Variants in MCM3 observed in about 807,000 individuals in gnomAD.
MCM3 encodes DNA replication licensing factor MCM3.
A neutral mutation model predicts 91.3 loss-of-function variants in MCM3; 59 were observed. That is an observed-to-expected ratio of 0.65 (90% CI 0.52 to 0.80). The LOEUF (loss-of-function observed/expected upper bound fraction) is 0.80, where lower values mean the gene tolerates loss of function less well. MCM3 is among the 30% of genes least tolerant of loss of function. The pLI, the probability that MCM3 is intolerant of heterozygous loss-of-function variation, is 0.00. For synonymous variants in MCM3, 383 were observed against 379.6 expected, an observed-to-expected ratio of 1.01 and a Z score of -0.10; for missense variants, 919 against 1,035.4, an observed-to-expected ratio of 0.89 and a Z score of 1.54.
chr6:52,277,863 T>A (rs1203646674), intron 6 of MCM3, among the ~76,000 whole-genome samples, 175 bp from the exon 7 acceptor site: 1 of 151,664 alleles, frequency 6.6e-6, no homozygotes, highest in East Asian at 1.9e-4. Flanking sequence ...GGTCAGGAGT[T>A]CGAGACCAGC....
rs770280946 is a variant in MCM3 at position 52,264,352 on chromosome 6, T to C, written c.*236A>G. On this transcript the variant is annotated 3_prime_UTR_variant, in exon 17 of 17. Coordinates refer to ENST00000596288, the MANE Select transcript of MCM3 (RefSeq NM_002388.6). ...TGAGCCAGTGCTTTTGCAATGAAGA[T>C]GCAATAGTCATTGTCCTCTCCCACT... 3.2e-4 allele frequency: 162 copies of C among 513,706 alleles called. No homozygotes were observed. Among genetic ancestry groups the C allele is most frequent in the Admixed American group, 2.0e-3 (61 of 30,376 alleles). 31.8% of individuals were successfully genotyped at this position (513,706 alleles called of 1,614,324 possible).
At chr6:52,280,732 G>T (rs1448446700) in intron 4 of MCM3, among the ~76,000 whole-genome samples, 2 of 152,192 alleles carry the variant, frequency 1.3e-5, no homozygotes, top group Admixed American at 1.3e-4. Context: ...AGATCTTAAG[G>T]TCCGAAGAAG....
rs139347505 is a variant in MCM3, at chr6:52,279,432, G to T, written c.699C>A (p.Asp233Glu). 6.2e-7 allele frequency: 1 copy of T among 1,614,132 alleles called. No homozygotes were observed. Reference sequence around the variant, plus strand: ...GGTAGGTTCCCACCACCTGAACCCGGTCACCAGGCTTCGCTTTATCCACCA... The same window carrying T: ...GGTAGGTTCCCACCACCTGAACCCGTTCACCAGGCTTCGCTTTATCCACCA... Reference protein sequence around the residue: ...DDLVDKAKPGDRVQVVGTYRC... With the variant: ...DDLVDKAKPGERVQVVGTYRC... Residue 233 changes from aspartate (D) to glutamate (E), a missense_variant, in exon 5 of 17, where the codon GAC becomes GAA. This residue lies in a region of MCM3 where 401 missense variants were observed against 402.7 expected (regional missense o/e 1.00). Coordinates refer to ENST00000596288, the MANE Select transcript of MCM3 (RefSeq NM_002388.6).
At chr6:52,282,606 T>A in intron 3 of MCM3, 47 bp downstream of exon 3, 1 of 1,576,922 alleles carries the variant, frequency 6.3e-7, no homozygotes, top group Non-Finnish European at 8.7e-7. Context: ...GCTTTCCCCA[T>A]CTCCCTGTCT....
rs762832090 is a variant in MCM3 at position 52,279,591 on chromosome 6, C to G, written c.540G>C (p.Glu180Asp). 13 of 1,611,030 alleles carry G rather than the reference C, an allele frequency of 8.1e-6. No homozygotes were observed. The African/African-American group carries it at 1.7e-4, about 22-fold the overall frequency. The change falls in exon 5 of 17, where the codon GAG becomes GAC. Residue 180 changes from glutamate to aspartate, a missense_variant. Around this residue, in one of 3 missense-constraint regions of MCM3, gnomAD observed 401 missense variants for 402.7 expected, o/e 1.00. Transcript: ENST00000596288. ...SSSVYPTKDE[E>D]NNPLETEYGL... ...CATATTCTGTCTCAAGGGGATTGTTCTCCTCATCCTAGAAAAAGGCACACA... is the reference window on the plus strand; with the variant it reads ...CATATTCTGTCTCAAGGGGATTGTTGTCCTCATCCTAGAAAAAGGCACACA...
In MCM3 at chr6:52,266,621, TTCC is replaced by T. The variant is rs1000335077; in HGVS notation, c.2145_2147del (p.Glu716del). The T allele has an allele frequency of 2.5e-6, 4 of 1,613,928 alleles. No homozygotes were observed. Among genetic ancestry groups the T allele is most frequent in the Non-Finnish European group, 3.4e-6 (4 of 1,179,936 alleles). Reference sequence around the variant, plus strand: ...AGTGGGCTCACTCACCTTGAGGCATTTCCTCCTCTGTGTCACTGAAGTCATAGG... The same window carrying T: ...AGTGGGCTCACTCACCTTGAGGCATTTCCTCTGTGTCACTGAAGTCATAGG... On this transcript the variant is annotated inframe_deletion, in exon 15 of 17. Coordinates refer to ENST00000596288, the MANE Select transcript of MCM3 (RefSeq NM_002388.6).
chr6:52,274,174 C>G (rs1765372332), intron 9 of MCM3, among the ~76,000 whole-genome samples: 1 of 152,156 alleles, frequency 6.6e-6, no homozygotes, highest in African/African-American at 2.4e-5. Flanking sequence ...GAGTGTAGGT[C>G]TGAAAACCAG....
intron 14 of MCM3, among the ~76,000 whole-genome samples, chr6:52,267,193 G>C (rs1235234145): frequency 6.8e-6 from 1 of 148,116 alleles, no homozygotes; most frequent in Non-Finnish European, 1.5e-5. Context: ...CTGCCTCCTG[G>C]GTTCACGCCA....
chr6:52,268,165 G>A (rs1479071643), intron 13 of MCM3, among the ~76,000 whole-genome samples, 197 bp from the exon 14 acceptor site: 2 of 152,184 alleles, frequency 1.3e-5, no homozygotes, highest in African/African-American at 2.4e-5. Flanking sequence ...AAAATGCTGG[G>A]AAGTATGTTA....
In MCM3 at chr6:52,282,729, G is replaced by A. The variant is rs1400109202; in HGVS notation, c.324C>T (p.Ser108=). The A allele has an allele frequency of 1.9e-6, 3 of 1,614,050 alleles. No individual in the cohort carries two copies. Among genetic ancestry groups the A allele is most frequent in the Non-Finnish European group, 2.5e-6 (3 of 1,180,034 alleles). Residue 108 remains serine, a synonymous_variant, in exon 3 of 17, where the codon TCC becomes TCT. Transcript: ENST00000596288. ...TAAGAGTCCGCGGGGAGACGTGCTTGGAGCCAAAGCTGCCTTCCAGTCCTA... is the reference window on the plus strand; with the variant it reads ...TAAGAGTCCGCGGGGAGACGTGCTTAGAGCCAAAGCTGCCTTCCAGTCCTA... ...FYVGLEGSFG[S]KHVSPRTLTS...
At position 52,270,059 on chromosome 6, in the gene MCM3, C is replaced by T. The variant is rs1449971458; in HGVS notation, c.1828-833G>A. Among the ~76,000 whole-genome samples, 3 of 152,304 alleles carry T rather than the reference C, an allele frequency of 2.0e-5. No individual in the cohort carries two copies. In the South Asian group the frequency reaches 6.2e-4, roughly 32 times the overall value. ...ACTACTTCCAGCCCGGACGTGGTGG[C>T]TCACATCTGTAATCCTAGCACTTTG... On this transcript the variant is annotated intron_variant, in intron 12 of 16. Coordinates refer to ENST00000596288, the MANE Select transcript of MCM3 (RefSeq NM_002388.6).
At chr6:52,279,179 G>A (rs1466577463) in intron 5 of MCM3, among the ~76,000 whole-genome samples, 182 bp downstream of exon 5, 1 of 152,150 alleles carries the variant, frequency 6.6e-6, no homozygotes, top group Non-Finnish European at 1.5e-5. Flanking sequence ...GGCATATGAT[G>A]GTTAAGTATC....
intron 13 of MCM3, 47 bp from the exon 14 acceptor site, chr6:52,268,015 G>C: frequency 6.2e-7 from 1 of 1,613,414 alleles, no homozygotes; most frequent in South Asian, 1.1e-5. Context: ...CACTGATGCA[G>C]GGGAACTGCA....
At position 52,265,462 on chromosome 6, in the gene MCM3, G is replaced by A. The variant is rs188381153; in HGVS notation, c.2228+613C>T. 5.2e-3 allele frequency: 1,046 copies of A among 199,352 alleles called. 16 individuals carry two copies. The highest frequency in any genetic ancestry group is 0.023 in the African/African-American group (958 of 42,322). The allele number at this position is 199,352 out of a possible 1,614,324, so 12.3% of individuals were successfully genotyped here. ...ACTCCGGTCTCAAAAAAAAAAGTGA[G>A]ATCTATACGAGCTGATTCAAGCATT... On this transcript the variant is annotated intron_variant, in intron 16 of 16. Transcript: ENST00000596288.
intron 7 of MCM3, 46 bp from the exon 8 acceptor site, chr6:52,277,244 C>T: frequency 6.3e-7 from 1 of 1,586,672 alleles, no homozygotes; most frequent in Non-Finnish European, 8.6e-7. Context: ...CTCCCCAGCA[C>T]CCCCAGCAAA....
At chr6:52,269,060 T>C (rs1764876425) in intron 13 of MCM3, 26 bp downstream of exon 13, 2 of 1,602,566 alleles carry the variant, frequency 1.2e-6, no homozygotes, top group South Asian at 2.2e-5. Context: ...GGAGATCCTC[T>C]CATGCCCAGG....
At chr6:52,266,769 C>T in intron 14 of MCM3, 73 bp from the exon 15 acceptor site, 1 of 1,134,928 alleles carries the variant, frequency 8.8e-7, no homozygotes, top group Non-Finnish European at 1.3e-6. Context: ...CATCACGTGC[C>T]TCTAACTACG....
At position 52,267,973 on chromosome 6, in the gene MCM3, G is replaced by C. The variant is rs778970467; in HGVS notation, c.1969-5C>G. On this transcript the variant is annotated splice_polypyrimidine_tract_variant and splice_region_variant and intron_variant, in intron 13 of 16. Coordinates refer to ENST00000596288, the MANE Select transcript of MCM3 (RefSeq NM_002388.6). ...TTTCTTCTCCTTCTCCAGAACCTAA[G>C]ACCAAGGCAAGTGTGGCTGGGCTAG... 8 of 1,613,930 alleles carry C rather than the reference G, an allele frequency of 5.0e-6. No individual in the cohort carries two copies. The East Asian group carries it at 1.1e-4, about 22-fold the overall frequency.
chr6:52,279,203 G>C (rs1181176990), intron 5 of MCM3, among the ~76,000 whole-genome samples, 158 bp downstream of exon 5: 1 of 152,208 alleles, frequency 6.6e-6, no homozygotes, highest in Non-Finnish European at 1.5e-5. Flanking sequence ...AGCTTTATCT[G>C]ATAGAAAAGA....
Sources: gnomAD v4.1 joint callset for allele counts (sites outside exome capture counted in the v4.1 genomes callset) on GRCh38, gnomAD v4.1.1 for gene constraint, gnomAD v4.1.1 regional missense constraint, MANE v1.5 for transcripts, NCBI Gene and HGNC (gene_info 2026-07-23, HGNC 2026-07-21) for gene names.